Variants in PTPRN2 observed in about 807,000 individuals in gnomAD.
PTPRN2 encodes the protein protein tyrosine phosphatase receptor type N2.
In PTPRN2, 74 loss-of-function variants were observed where a neutral mutation model predicts 118.8. The ratio of observed to expected loss-of-function variants is 0.62; its 90% confidence interval spans 0.52 to 0.76. The LOEUF (loss-of-function observed/expected upper bound fraction) is 0.76. PTPRN2 is among the 30% of genes least tolerant of loss of function. PTPRN2 has a pLI of 0.00. For synonymous variants in PTPRN2, 641 were observed against 608.0 expected, an observed-to-expected ratio of 1.05 and a Z score of -0.80; for missense variants, 1,481 against 1,394.4, an observed-to-expected ratio of 1.06 and a Z score of -0.99.
chr7:158,238,648 G>T (rs1224347691), intron 3 of PTPRN2, among the ~76,000 whole-genome samples: 1 of 152,160 alleles, frequency 6.6e-6, no homozygotes, highest in Non-Finnish European at 1.5e-5. Context: ...ATTAAGAAGT[G>T]GGTGCCCAGG....
At chr7:157,553,752 G>C (rs1362028338) in intron 21 of PTPRN2, among the ~76,000 whole-genome samples, 5 of 152,214 alleles carry the variant, frequency 3.3e-5, no homozygotes, top group Admixed American at 3.3e-4. Flanking sequence ...GGTCCATAAT[G>C]ATGTAGCAGG....
intron 2 of PTPRN2, among the ~76,000 whole-genome samples, chr7:158,407,814 C>A (rs1813718453): frequency 6.6e-6 from 1 of 152,224 alleles, no homozygotes; most frequent in Non-Finnish European, 1.5e-5. Flanking sequence ...CGATGTGGAA[C>A]CATCGCCGTG....
chr7:158,490,254 A>G (rs1225335601), intron 1 of PTPRN2, among the ~76,000 whole-genome samples: 1 of 152,204 alleles, frequency 6.6e-6, no homozygotes, highest in Admixed American at 6.5e-5. Context: ...CTGCGTGGGA[A>G]GCAAACCGTG....
chr7:158,343,281 C>T (rs1807207926), intron 2 of PTPRN2, among the ~76,000 whole-genome samples: 1 of 152,150 alleles, frequency 6.6e-6, no homozygotes, highest in African/African-American at 2.4e-5. Context: ...GTACAAACAG[C>T]TGAAAGCACA....
At chr7:158,486,208 C>T (rs1821009526) in intron 2 of PTPRN2, among the ~76,000 whole-genome samples, 1 of 152,248 alleles carries the variant, frequency 6.6e-6, no homozygotes, top group Non-Finnish European at 1.5e-5. Flanking sequence ...CGTGAACGTG[C>T]TGGCCAGTCA....
chr7:158,443,118 C>T (rs1817472333), intron 2 of PTPRN2, among the ~76,000 whole-genome samples: 1 of 150,986 alleles, frequency 6.6e-6, no homozygotes, highest in East Asian at 2.0e-4. Context: ...ACCTGGTCAA[C>T]AAGCACATTG....
intron 11 of PTPRN2, among the ~76,000 whole-genome samples, chr7:157,975,053 C>T (rs1420917571): frequency 2.0e-5 from 3 of 152,062 alleles, no homozygotes; most frequent in Non-Finnish European, 2.9e-5. Flanking sequence ...ACACTAAAGG[C>T]CTGGCCCGGA....
chr7:157,952,882 T>C (rs902445625), intron 11 of PTPRN2, among the ~76,000 whole-genome samples: 1 of 152,060 alleles, frequency 6.6e-6, no homozygotes, highest in African/African-American at 2.4e-5. Flanking sequence ...AGACTTCATA[T>C]CACAGAGACT....
intron 9 of PTPRN2, among the ~76,000 whole-genome samples, chr7:158,122,043 T>A (rs1817216565): frequency 6.6e-6 from 1 of 151,964 alleles, no homozygotes; most frequent in African/African-American, 2.4e-5. Context: ...TGAAAATGAG[T>A]GGGAGGATCC....
intron 11 of PTPRN2, among the ~76,000 whole-genome samples, chr7:157,978,403 C>T (rs972109521): frequency 3.9e-5 from 6 of 152,028 alleles, no homozygotes; most frequent in African/African-American, 1.4e-4. Context: ...GGCTTCACGT[C>T]CTTCCTAAGC....
At chr7:158,241,208 G>C (rs914239702) in intron 3 of PTPRN2, among the ~76,000 whole-genome samples, 2 of 152,136 alleles carry the variant, frequency 1.3e-5, no homozygotes, top group African/African-American at 4.8e-5. Flanking sequence ...TTTGCTGACG[G>C]ACTTTAATTA....
intron 12 of PTPRN2, among the ~76,000 whole-genome samples, chr7:157,689,597 C>G (rs981038014): frequency 6.6e-6 from 1 of 152,232 alleles, no homozygotes; most frequent in Non-Finnish European, 1.5e-5. Flanking sequence ...AGCAACGCTT[C>G]TCTAAAACCA....
chr7:157,968,811 G>C (rs1802120493), intron 11 of PTPRN2, among the ~76,000 whole-genome samples: 1 of 152,126 alleles, frequency 6.6e-6, no homozygotes, highest in East Asian at 1.9e-4. Flanking sequence ...AAAAAAAAGA[G>C]TGAGAGAAAA....
intron 10 of PTPRN2, among the ~76,000 whole-genome samples, chr7:158,109,739 CTGAG>C (rs1816052702): frequency 6.8e-6 from 1 of 146,746 alleles, no homozygotes; most frequent in Non-Finnish European, 1.5e-5. Flanking sequence ...TGATGAGTCA[CTGAG>C]TGAATGATAT....
chr7:157,847,486 C>A, intron 12 of PTPRN2, among the ~76,000 whole-genome samples: 1 of 149,708 alleles, frequency 6.7e-6, no homozygotes, highest in African/African-American at 2.5e-5. Flanking sequence ...CCGATGTCTA[C>A]AGAGCCCTCT....
intron 1 of PTPRN2, among the ~76,000 whole-genome samples, chr7:158,580,562 A>T (rs1828575181): frequency 6.6e-6 from 1 of 152,194 alleles, no homozygotes; most frequent in South Asian, 2.1e-4. Context: ...CCACCAGCAT[A>T]GTTCAGAAAA....
At chr7:158,259,794 A>T (rs1797270112) in intron 3 of PTPRN2, among the ~76,000 whole-genome samples, 1 of 147,244 alleles carries the variant, frequency 6.8e-6, no homozygotes, top group Non-Finnish European at 1.5e-5. Flanking sequence ...TCTGGTATAC[A>T]CGTATTTGTC....
At chr7:157,850,348 A>G (rs1417267086) in intron 12 of PTPRN2, among the ~76,000 whole-genome samples, 2 of 147,080 alleles carry the variant, frequency 1.4e-5, no homozygotes, top group Non-Finnish European at 3.0e-5. Context: ...AGGCTCGCGT[A>G]AGGGATCCCA....
intron 6 of PTPRN2, among the ~76,000 whole-genome samples, chr7:158,144,704 C>G (rs1478303371): frequency 6.6e-6 from 1 of 152,196 alleles, no homozygotes; most frequent in Non-Finnish European, 1.5e-5. Flanking sequence ...CCCTCTCCCT[C>G]CAGGGCAGGC....
Sources: gnomAD v4.1 joint callset for allele counts (sites outside exome capture counted in the v4.1 genomes callset) on GRCh38, gnomAD v4.1.1 for gene constraint, MANE v1.5 for transcripts, NCBI Gene and HGNC (gene_info 2026-07-23, HGNC 2026-07-21) for gene names.